SH3RF3: variants seen among roughly 807,000 people sequenced by gnomAD.
SH3RF3 encodes SH3 domain containing ring finger 3.
SH3RF3 carries 29 observed loss-of-function variants against 66.3 expected under a neutral mutation model. That is an observed-to-expected ratio of 0.44 (90% CI 0.33 to 0.60). SH3RF3 has a LOEUF of 0.60. SH3RF3 is among the 20% of genes least tolerant of loss of function. SH3RF3 has a pLI of 0.04. For missense variants in SH3RF3, 1,194 were observed against 1,190.9 expected (o/e 1.00, Z -0.04); for synonymous variants, 583 against 532.0 (o/e 1.10, Z -1.32).
chr2:109,264,586 C>T (rs560582425), intron 1 of SH3RF3, among the ~76,000 whole-genome samples: 1 of 152,390 alleles, frequency 6.6e-6, no homozygotes, highest in Admixed American at 6.5e-5. Context: ...CGATTTAAAA[C>T]CATGTGCATG....
intron 8 of SH3RF3, among the ~76,000 whole-genome samples, chr2:109,456,502 G>A (rs1051343464): frequency 3.9e-5 from 6 of 152,188 alleles, no homozygotes; most frequent in Non-Finnish European, 5.9e-5. Context: ...GGAATGTCCC[G>A]TCAGAGCACA....
intron 1 of SH3RF3, among the ~76,000 whole-genome samples, chr2:109,199,329 A>AATAAAATAAATAAAATAAATAAAATAAAT: frequency 7.4e-3 from 8 of 1,078 alleles, no homozygotes; most frequent in African/African-American, 0.025. Context: ...CTCAAAAAGT[A>AATAAAATAAATAAAATAAATAAAATAAAT]AAATGGAATG....
intron 1 of SH3RF3, among the ~76,000 whole-genome samples, chr2:109,285,681 T>A (rs948377540): frequency 6.6e-6 from 1 of 152,208 alleles, no homozygotes; most frequent in African/African-American, 2.4e-5. Context: ...AAAAGTTCAC[T>A]TGGGGCTCAT....
intron 7 of SH3RF3, among the ~76,000 whole-genome samples, chr2:109,443,458 T>C (rs73953113): frequency 0.048 from 7,299 of 152,274 alleles, 530 homozygotes; most frequent in African/African-American, 0.15. Flanking sequence ...ATTCCATGAA[T>C]GTCTGAAAAT....
chr2:109,297,240 C>T (rs1311733758), intron 1 of SH3RF3, among the ~76,000 whole-genome samples: 1 of 152,166 alleles, frequency 6.6e-6, no homozygotes, highest in Non-Finnish European at 1.5e-5. Flanking sequence ...TTCATTGACA[C>T]CATCATCATC....
intron 8 of SH3RF3, among the ~76,000 whole-genome samples, chr2:109,485,288 A>G (rs1678940735): frequency 6.6e-6 from 1 of 152,264 alleles, no homozygotes; most frequent in Non-Finnish European, 1.5e-5. Flanking sequence ...AGGTAACTGA[A>G]TAAATGTGCA....
chr2:109,275,252 T>C (rs564560022), intron 1 of SH3RF3, among the ~76,000 whole-genome samples: 88 of 152,292 alleles, frequency 5.8e-4, no homozygotes, highest in African/African-American at 2.0e-3. Context: ...GAGACTGATA[T>C]TCACCCTACC....
intron 1 of SH3RF3, among the ~76,000 whole-genome samples, chr2:109,265,111 T>C (rs1342121824): frequency 1.3e-5 from 2 of 152,098 alleles, no homozygotes; most frequent in African/African-American, 2.4e-5. Context: ...ACTTGAGGCG[T>C]TGCGAAATAG....
intron 1 of SH3RF3, among the ~76,000 whole-genome samples, chr2:109,326,245 A>T (rs1311363182): frequency 6.6e-6 from 1 of 152,218 alleles, no homozygotes; most frequent in Non-Finnish European, 1.5e-5. Context: ...AGCTGTGTTG[A>T]TGTACATAGA....
chr2:109,387,248 T>C (rs1396043499), intron 3 of SH3RF3, among the ~76,000 whole-genome samples: 2 of 152,236 alleles, frequency 1.3e-5, no homozygotes, highest in African/African-American at 2.4e-5. Context: ...ATAACATGAT[T>C]GCAGTAGCTT....
intron 1 of SH3RF3, among the ~76,000 whole-genome samples, chr2:109,280,246 G>C (rs1680851143): frequency 6.6e-6 from 1 of 152,204 alleles, no homozygotes; most frequent in Admixed American, 6.5e-5. Flanking sequence ...AGCAGCAGCA[G>C]GACCTAGCGT....
At chr2:109,149,823 CCA>C (rs1258869944) in intron 1 of SH3RF3, among the ~76,000 whole-genome samples, 1 of 152,216 alleles carries the variant, frequency 6.6e-6, no homozygotes, top group Non-Finnish European at 1.5e-5. Context: ...TTTTTGTACT[CCA>C]GTTGGACTTA....
chr2:109,244,865 G>A (rs1679875916), intron 1 of SH3RF3, among the ~76,000 whole-genome samples: 1 of 152,226 alleles, frequency 6.6e-6, no homozygotes, highest in Admixed American at 6.5e-5. Flanking sequence ...ACTGCAGCCT[G>A]TGCCATCGTC....
At chr2:109,152,395 GCAAAT>G (rs1035377365) in intron 1 of SH3RF3, among the ~76,000 whole-genome samples, 1 of 152,188 alleles carries the variant, frequency 6.6e-6, no homozygotes, top group Non-Finnish European at 1.5e-5. Context: ...GACATGTACA[GCAAAT>G]CAAATAAATA....
At chr2:109,194,124 CTGT>C (rs1678436968) in intron 1 of SH3RF3, among the ~76,000 whole-genome samples, 1 of 152,254 alleles carries the variant, frequency 6.6e-6, no homozygotes, top group African/African-American at 2.4e-5. Context: ...TGGGCAGTTG[CTGT>C]TGATGGAGTC....
At chr2:109,372,914 C>G (rs780125201) in intron 3 of SH3RF3, among the ~76,000 whole-genome samples, 12 of 152,232 alleles carry the variant, frequency 7.9e-5, no homozygotes, top group Non-Finnish European at 1.5e-4. Context: ...AAACATCTGT[C>G]AATTCCCCGT....
At chr2:109,321,509 G>A (rs1468868959) in intron 1 of SH3RF3, among the ~76,000 whole-genome samples, 1 of 152,218 alleles carries the variant, frequency 6.6e-6, no homozygotes, top group African/African-American at 2.4e-5. Context: ...GAAGATAAAT[G>A]TTGTGGTTGA....
At chr2:109,295,245 C>T (rs1681281069) in intron 1 of SH3RF3, among the ~76,000 whole-genome samples, 1 of 152,248 alleles carries the variant, frequency 6.6e-6, no homozygotes, top group Non-Finnish European at 1.5e-5. Context: ...TTTGCACACA[C>T]TCCCTCGCTT....
chr2:109,226,622 C>G (rs1348853745), intron 1 of SH3RF3, among the ~76,000 whole-genome samples: 3 of 152,180 alleles, frequency 2.0e-5, no homozygotes, highest in South Asian at 2.1e-4. Flanking sequence ...GCTCCCCTTT[C>G]CTGAGTGTTT....
Sources: gnomAD v4.1 joint callset for allele counts (sites outside exome capture counted in the v4.1 genomes callset) on GRCh38, gnomAD v4.1.1 for gene constraint, MANE v1.5 for transcripts, NCBI Gene and HGNC (gene_info 2026-07-23, HGNC 2026-07-21) for gene names.